Variants in VTA1 observed in about 807,000 individuals in gnomAD.
The protein encoded by VTA1 is vesicle trafficking 1.
Under a neutral mutation model 36.9 loss-of-function variants are expected in VTA1, and 24 were observed. The ratio of observed to expected loss-of-function variants is 0.65; its 90% CI spans 0.47 to 0.91. The LOEUF (loss-of-function observed/expected upper bound fraction) is 0.91, where lower values mean the gene tolerates loss of function less well. VTA1 is among the 40% of genes least tolerant of loss of function. The pLI is 0.00. For synonymous variants in VTA1, 142 were observed against 130.2 expected, an observed-to-expected ratio of 1.09 and a Z score of -0.62; for missense variants, 393 against 377.2, an observed-to-expected ratio of 1.04 and a Z score of -0.35.
chr6:142,220,744 T>C lies in VTA1; in HGVS notation c.*2101T>C, dbSNP rs969409050. On this transcript the variant is annotated 3_prime_UTR_variant, in exon 8 of 8. Transcript: ENST00000367630. ...TATTTGTATTTTTTCCTATAAAATC[T>C]TAAAATAAAATTAGGAGATGTGTTC... The C allele has an allele frequency of 2.0e-5, 3 of 152,134 alleles. No homozygotes were observed. Among genetic ancestry groups the C allele is most frequent in the African/African-American group, 4.8e-5 (2 of 41,426 alleles). 9.4% of individuals were successfully genotyped at this position (152,134 alleles called of 1,614,324 possible). A position where few individuals can be genotyped will look rare whatever the true frequency, so the allele number is the denominator to read the frequency against.
At chr6:142,181,692 G>T (rs894497868) in intron 4 of VTA1, among the ~76,000 whole-genome samples, 1 of 151,236 alleles carries the variant, frequency 6.6e-6, no homozygotes, top group African/African-American at 2.4e-5. Context: ...ACCTTACCTT[G>T]TTTGGAAATC....
chr6:142,192,425 G>C (rs528943646), intron 5 of VTA1, among the ~76,000 whole-genome samples: 1 of 152,070 alleles, frequency 6.6e-6, no homozygotes, highest in East Asian at 1.9e-4. Context: ...ATCGTATGTT[G>C]ATGAGCATCT....
At chr6:142,151,667 C>G (rs2114627053) in intron 1 of VTA1, among the ~76,000 whole-genome samples, 1 of 152,362 alleles carries the variant, frequency 6.6e-6, no homozygotes, top group South Asian at 2.1e-4. Context: ...GGTAGACATT[C>G]TCTTTAAACT....
rs1211343854 is a variant in VTA1 at position 142,198,092 on chromosome 6, G to A, written c.521-347G>A. On this transcript the variant is annotated intron_variant, in intron 5 of 7. Coordinates refer to ENST00000367630, the MANE Select transcript of VTA1 (RefSeq NM_016485.5). ...AGCCTGGGCAGCAGAGTGAGACTCC[G>A]TCTCAAAAAAAAATATATATATATA... 6.7e-5 allele frequency among the ~76,000 whole-genome samples: 9 copies of A among 134,464 alleles called. No homozygotes were observed. In the South Asian group the frequency reaches 1.4e-3, roughly 21 times the overall value. 88.2% of individuals were successfully genotyped at this position (134,464 alleles called of 152,430 possible). A position where few individuals can be genotyped will look rare whatever the true frequency, so the allele number is the denominator to read the frequency against.
intron 1 of VTA1, among the ~76,000 whole-genome samples, chr6:142,150,252 C>A (rs1778542417): frequency 1.3e-5 from 2 of 152,138 alleles, no homozygotes; most frequent in Non-Finnish European, 2.9e-5. Context: ...CAGAACACTG[C>A]TCTTGGTGAC....
rs768865871 is a variant in VTA1, at chr6:142,169,633, G to A, written c.291G>A (p.Met97Ile). ...ATTTGGAGAATTATGCTTTGAAAAT[G>A]TTTTTGTATGCAGACAATGAAGATC... ...CAHLENYALK[M>I]FLYADNEDRA... is the part of the protein sequence containing the mutation. The change falls in exon 3 of 8, where the codon ATG becomes ATA. Residue 97 changes from methionine to isoleucine, a missense_variant. Met to Ile is a conservative substitution (Grantham distance 10). Transcript: ENST00000367630. The A allele has an allele frequency of 1.9e-6, 3 of 1,609,590 alleles. No homozygotes were observed. In the South Asian group the frequency reaches 3.3e-5, roughly 18 times the overall value.
chr6:142,219,430 G>C lies in VTA1; in HGVS notation c.*787G>C, dbSNP rs1189422645. ...CTTTAAATTAAGGTACTCCTCTGCT[G>C]CTGTAGAATGGATTCCACACAGTGG... On this transcript the variant is annotated 3_prime_UTR_variant, in exon 8 of 8. Transcript: ENST00000367630. 6.6e-6 allele frequency: 1 copy of C among 152,232 alleles called. No homozygotes were observed. Among genetic ancestry groups the C allele is most frequent in the Admixed American group, 6.5e-5 (1 of 15,284 alleles). The allele number at this position is 152,232 out of a possible 1,614,324, so 9.4% of individuals were successfully genotyped here.
intron 1 of VTA1, 148 bp downstream of exon 1, chr6:142,147,547 C>A (rs1035943416): frequency 2.7e-6 from 2 of 754,664 alleles, no homozygotes; most frequent in Non-Finnish European, 4.3e-6. Flanking sequence ...TCCCTGGGTT[C>A]CCACCCCCTG....
intron 7 of VTA1, 85 bp from the exon 8 acceptor site, chr6:142,218,413 T>C: frequency 7.1e-7 from 1 of 1,398,840 alleles, no homozygotes; most frequent in Non-Finnish European, 9.8e-7. Context: ...AATATGTTTT[T>C]TAATCTTAAG....
chr6:142,158,164 A>G (rs928974140), intron 1 of VTA1, among the ~76,000 whole-genome samples: 2 of 152,124 alleles, frequency 1.3e-5, no homozygotes, highest in Non-Finnish European at 2.9e-5. Context: ...TTTATTACAA[A>G]AGCTGCCATA....
At chr6:142,216,847 A>G (rs148932777) in intron 7 of VTA1, among the ~76,000 whole-genome samples, 1 of 152,302 alleles carries the variant, frequency 6.6e-6, no homozygotes, top group African/African-American at 2.4e-5. Flanking sequence ...TGTCCAGTAA[A>G]TTCTGGATGG....
chr6:142,168,199 A>G (rs1234813653), intron 2 of VTA1, among the ~76,000 whole-genome samples: 2 of 152,188 alleles, frequency 1.3e-5, no homozygotes, highest in African/African-American at 2.4e-5. Flanking sequence ...AAATTGTTCT[A>G]CAATGAAATC....
At chr6:142,216,137 A>C (rs997005685) in intron 7 of VTA1, among the ~76,000 whole-genome samples, 12 of 152,218 alleles carry the variant, frequency 7.9e-5, no homozygotes, top group South Asian at 2.1e-4. Context: ...GAAAAAAAAA[A>C]CAGCTTTTAT....
At position 142,189,498 on chromosome 6, in the gene VTA1, C is replaced by A. The variant is rs1240352111; in HGVS notation, c.484C>A (p.Pro162Thr). 1.9e-6 allele frequency: 3 copies of A among 1,613,778 alleles called. No homozygotes were observed. The highest frequency in any genetic ancestry group is 4.5e-5 in the East Asian group (2 of 44,864). The part of the protein sequence containing the change: ...IHNCLKNGET[P>T]QAGPVGIEED... ...TAATTGTTTAAAGAATGGGGAGACT[C>A]CTCAAGCAGGCCCTGTTGGAATTGA... Residue 162 changes from proline to threonine, a missense_variant, in exon 5 of 8, where the codon CCT becomes ACT. Pro to Thr is a conservative substitution (Grantham distance 38). Transcript: ENST00000367630.
intron 7 of VTA1, among the ~76,000 whole-genome samples, 170 bp downstream of exon 7, chr6:142,204,235 G>T (rs1775743522): frequency 6.6e-6 from 1 of 152,066 alleles, no homozygotes; most frequent in South Asian, 2.1e-4. Flanking sequence ...ATTCTCAAAT[G>T]AGCCAGGATT....
chr6:142,207,340 T>G (rs1775813857), intron 7 of VTA1, among the ~76,000 whole-genome samples: 1 of 152,182 alleles, frequency 6.6e-6, no homozygotes, highest in South Asian at 2.1e-4. Context: ...GCATCATGAC[T>G]GCCTGCAGGG....
chr6:142,157,181 A>T (rs1376467473), intron 1 of VTA1, among the ~76,000 whole-genome samples: 2 of 152,216 alleles, frequency 1.3e-5, no homozygotes, highest in Non-Finnish European at 2.9e-5. Context: ...GATAATAATA[A>T]TAACTTGCCT....
At chr6:142,155,210 G>C (rs557631238) in intron 1 of VTA1, among the ~76,000 whole-genome samples, 90 of 152,228 alleles carry the variant, frequency 5.9e-4, no homozygotes, top group Non-Finnish European at 1.0e-3. Context: ...ATGAGTACGC[G>C]TTCAGATCCT....
intron 7 of VTA1, among the ~76,000 whole-genome samples, chr6:142,209,746 A>T (rs1775864395): frequency 6.6e-6 from 1 of 151,976 alleles, no homozygotes; most frequent in South Asian, 2.1e-4. Flanking sequence ...TGATAAATGT[A>T]ATAGAAGTAG....
Sources: allele counts gnomAD v4.1 joint callset (sites outside exome capture counted in the v4.1 genomes callset), GRCh38; gene constraint gnomAD v4.1.1; transcripts MANE v1.5; gene names NCBI Gene and HGNC (gene_info 2026-07-23, HGNC 2026-07-21).